The following SPATA13 variants were observed in gnomAD, a reference collection of about 807,000 sequenced individuals.
The protein encoded by SPATA13 is spermatogenesis-associated protein 13.
In SPATA13, 50 loss-of-function variants were observed where a neutral mutation model predicts 104.0. The ratio of observed to expected loss-of-function variants is 0.48; its 90% confidence interval spans 0.38 to 0.61. The LOEUF (loss-of-function observed/expected upper bound fraction) is 0.61. Among genes scored for constraint, SPATA13 ranks in the 20% least tolerant of loss-of-function variants. The probability of loss-of-function intolerance (pLI) is 0.00; values close to 1 mark genes in which losing one functional copy is unlikely to be tolerated. For missense variants in SPATA13, 1,524 were observed against 1,690.6 expected (o/e 0.90, Z 1.73); for synonymous variants, 606 against 667.5 (o/e 0.91, Z 1.42).
At chr13:24,293,612 T>TA (rs1180748402) in intron 9 of SPATA13, among the ~76,000 whole-genome samples, 1 of 152,208 alleles carries the variant, frequency 6.6e-6, no homozygotes, top group African/African-American at 2.4e-5. Flanking sequence ...AAAATTCTTT[T>TA]AAAAAAACCA....
At chr13:24,000,046 A>G (rs1186374030) in intron 2 of SPATA13, among the ~76,000 whole-genome samples, 2 of 152,216 alleles carry the variant, frequency 1.3e-5, no homozygotes, top group African/African-American at 4.8e-5. Context: ...GTTATCACCA[A>G]TATGCATATT....
intron 4 of SPATA13, among the ~76,000 whole-genome samples, chr13:24,265,252 G>A (rs1005132858): frequency 1.2e-4 from 18 of 152,154 alleles, no homozygotes; most frequent in African/African-American, 4.1e-4. Flanking sequence ...AACAGGAGTC[G>A]GCCTGCTGAG....
intron 3 of SPATA13, chr13:24,122,852 T>G: frequency 1.3e-6 from 1 of 773,274 alleles, no homozygotes. Flanking sequence ...CATAGAATTC[T>G]AAGACATGCT....
chr13:24,047,146 T>G (rs1331143905), intron 3 of SPATA13, among the ~76,000 whole-genome samples: 9 of 152,292 alleles, frequency 5.9e-5, no homozygotes, highest in African/African-American at 2.2e-4. Flanking sequence ...AGTTGAGTCA[T>G]GAGTCACGGG....
chr13:24,036,815 T>C (rs1409602466), intron 3 of SPATA13, among the ~76,000 whole-genome samples: 1 of 152,110 alleles, frequency 6.6e-6, no homozygotes, highest in Non-Finnish European at 1.5e-5. Flanking sequence ...TCAATTTTTA[T>C]TGATTGATTG....
At chr13:23,989,216 T>C (rs1025412120) in intron 2 of SPATA13, among the ~76,000 whole-genome samples, 3 of 151,968 alleles carry the variant, frequency 2.0e-5, no homozygotes, top group Admixed American at 2.0e-4. Flanking sequence ...GAGGTCAGGA[T>C]TTCGAGACTA....
intron 1 of SPATA13, among the ~76,000 whole-genome samples, chr13:24,172,817 CT>C (rs961202048): frequency 6.6e-5 from 10 of 152,324 alleles, no homozygotes; most frequent in African/African-American, 2.4e-4. Flanking sequence ...GCTCCCTTCC[CT>C]TTCTGTATTA....
At chr13:24,109,889 A>C (rs1880580119) in intron 3 of SPATA13, among the ~76,000 whole-genome samples, 1 of 151,602 alleles carries the variant, frequency 6.6e-6, no homozygotes, top group Non-Finnish European at 1.5e-5. Flanking sequence ...CTAGAAGTGA[A>C]ATTGTTGAAT....
At chr13:24,156,918 T>C (rs942734344), upstream of SPATA13, among the ~76,000 whole-genome samples, 2 of 152,150 alleles carry the variant, frequency 1.3e-5, no homozygotes, top group Non-Finnish European at 2.9e-5. Flanking sequence ...ACCAACCCCC[T>C]TTTGTCCCCT....
chr13:24,254,845 A>C, intron 4 of SPATA13, among the ~76,000 whole-genome samples: 1 of 149,368 alleles, frequency 6.7e-6, no homozygotes, highest in Non-Finnish European at 1.5e-5. Flanking sequence ...TTATGAACCC[A>C]CTGAGCAAGT....
At chr13:24,124,672 A>G (rs1054612204) in intron 3 of SPATA13, among the ~76,000 whole-genome samples, 1 of 152,250 alleles carries the variant, frequency 6.6e-6, no homozygotes, top group Non-Finnish European at 1.5e-5. Context: ...TGGTTTAGCA[A>G]TTCTATATTG....
chr13:24,270,768 A>G, intron 4 of SPATA13: 4 of 1,603,786 alleles, frequency 2.5e-6, no homozygotes, highest in Non-Finnish European at 3.4e-6. Context: ...CGTAGCTGCC[A>G]GCCTGTGCAG....
intron 2 of SPATA13, among the ~76,000 whole-genome samples, chr13:24,232,422 C>T (rs573160649): frequency 2.0e-5 from 3 of 152,358 alleles, no homozygotes; most frequent in East Asian, 1.9e-4. Context: ...CCCTCACAAA[C>T]GCACCCAGAA....
intron 1 of SPATA13, among the ~76,000 whole-genome samples, chr13:24,198,940 A>T (rs1004170756): frequency 1.4e-5 from 2 of 142,074 alleles, no homozygotes; most frequent in Admixed American, 1.6e-4. Flanking sequence ...ATATTCTTAG[A>T]ACTATAAAAT....
chr13:24,297,654 G>A lies in SPATA13; in HGVS notation c.3502G>A (p.Ala1168Thr). The A allele has an allele frequency of 6.2e-7, 1 of 1,614,220 alleles. No homozygotes were observed. Among genetic ancestry groups the A allele is most frequent in the East Asian group, 2.2e-5 (1 of 44,890 alleles). ...RTTDEVYLFC[A>T]KKQEDKARWL... ...CACAGACGAGGTTTATTTGTTTTGTGCCAAAAAACAAGAAGACAAGGCGAG... is the reference window on the plus strand; with the variant it reads ...CACAGACGAGGTTTATTTGTTTTGTACCAAAAAACAAGAAGACAAGGCGAG... The change falls in exon 11 of 13, where the codon GCC becomes ACC. Residue 1168 changes from alanine to threonine, a missense_variant. This residue lies in a region of SPATA13 where 435 missense variants were observed against 554.8 expected (regional missense o/e 0.78). Transcript: ENST00000382108.
chr13:24,222,849 G>A lies in SPATA13; in HGVS notation c.-81G>A. 6.5e-7 allele frequency: 1 copy of A among 1,535,478 alleles called. No homozygotes were observed. ...GGCCACCCAGGAGCCCGATGTGCAA[G>A]GCAGGTGTGAGTGCCAGGACGGCAT... On this transcript the variant is annotated 5_prime_UTR_variant, in exon 2 of 13. Coordinates refer to ENST00000382108, the MANE Select transcript of SPATA13 (RefSeq NM_001166271.3).
Position 24,088,315 on chromosome 13 carries a change from A to T in SPATA13, c.-112+70614A>T, listed in dbSNP as rs910636227. 6.6e-6 allele frequency among the ~76,000 whole-genome samples: 1 copy of T among 152,168 alleles called. No individual in the cohort carries two copies. The highest frequency in any genetic ancestry group is 2.1e-4 in the South Asian group (1 of 4,824). On this transcript the variant is annotated intron_variant, in intron 3 of 14. Coordinates refer to the SPATA13 transcript ENST00000424834. The surrounding 1 kb of genome is among the most constrained non-coding windows in gnomAD (Gnocchi z 4.3). The stretch of plus-strand genomic sequence containing the variant: ...CGGTAAGGAATTGGCCCGCAGTCAC[A>T]TGACTATTAAAGCATCTGAATTGGG...
rs1285106073 is a variant in SPATA13 at position 24,297,556 on chromosome 13, T to C, written c.3404T>C (p.Val1135Ala). The C allele has an allele frequency of 6.2e-7, 1 of 1,614,164 alleles. No homozygotes were observed. The highest frequency in any genetic ancestry group is 8.5e-7 in the Non-Finnish European group (1 of 1,180,026). ...CTGGACATGGATGAGATGGAGCTTG[T>C]GGACCTGGGGGATGGGCGCGACAAG... is the stretch of plus-strand genomic sequence containing the variant. The part of the protein sequence containing the change: ...GRLDMDEMEL[V>A]DLGDGRDKDC... Residue 1135 changes from valine to alanine, a missense_variant, in exon 11 of 13, where the codon GTG becomes GCG. Val to Ala is a moderately conservative substitution (Grantham distance 64). Around this residue, in one of 2 missense-constraint regions of SPATA13, gnomAD observed 435 missense variants for 554.8 expected, o/e 0.78. Coordinates refer to ENST00000382108, the MANE Select transcript of SPATA13 (RefSeq NM_001166271.3).
At chr13:24,123,235 G>T (rs1189194397) in intron 3 of SPATA13, 19 of 1,598,610 alleles carry the variant, frequency 1.2e-5, no homozygotes, top group Non-Finnish European at 1.6e-5. Flanking sequence ...ATCAATACTT[G>T]AAGGGCAATG....
Sources: allele counts gnomAD v4.1 joint callset (sites outside exome capture counted in the v4.1 genomes callset), GRCh38; gene constraint gnomAD v4.1.1; regional missense constraint gnomAD v4.1.1; non-coding constraint Gnocchi (gnomAD v3.1); transcripts MANE v1.5; gene names NCBI Gene and HGNC (gene_info 2026-07-23, HGNC 2026-07-21).